Variants in MARCHF5 observed in about 807,000 individuals in gnomAD.
The protein encoded by MARCHF5 is membrane associated ring-CH-type finger 5.
A neutral mutation model predicts 36.5 loss-of-function variants in MARCHF5; 5 were observed. The observed-to-expected ratio is 0.14, with a 90% CI of 0.07 to 0.29. MARCHF5 has a LOEUF of 0.29. Among genes scored for constraint, MARCHF5 ranks in the 10% least tolerant of loss-of-function variants. The pLI, the probability that MARCHF5 is intolerant of heterozygous loss-of-function variation, is 1.00. For missense variants in MARCHF5, 179 were observed against 336.3 expected (o/e 0.53, Z 3.66); for synonymous variants, 103 against 109.9 (o/e 0.94, Z 0.39).
chr10:92,345,992 G>T (rs932431187), intron 3 of MARCHF5, among the ~76,000 whole-genome samples: 7 of 151,906 alleles, frequency 4.6e-5, no homozygotes, highest in Non-Finnish European at 8.8e-5. Context: ...GCCCAGCCAG[G>T]CCTTTATTTT....
intron 3 of MARCHF5, among the ~76,000 whole-genome samples, chr10:92,344,337 G>C (rs1289450292): frequency 6.6e-6 from 1 of 152,166 alleles, no homozygotes; most frequent in Non-Finnish European, 1.5e-5. Context: ...AATTTGATTT[G>C]AAATTATGAG....
chr10:92,292,032 C>G (rs1186543791), intron 1 of MARCHF5, among the ~76,000 whole-genome samples: 1 of 151,394 alleles, frequency 6.6e-6, no homozygotes, highest in Non-Finnish European at 1.5e-5. Context: ...TCCCCCCCGC[C>G]CCATCCCGTC....
At chr10:92,310,526 C>T (rs138760982) in intron 1 of MARCHF5, among the ~76,000 whole-genome samples, 73 of 152,064 alleles carry the variant, frequency 4.8e-4, no homozygotes, top group South Asian at 6.2e-4. Flanking sequence ...CAAGCATACA[C>T]GCCCAAATTT....
intron 2 of MARCHF5, among the ~76,000 whole-genome samples, chr10:92,339,074 A>G (rs554081194): frequency 6.6e-6 from 1 of 152,272 alleles, no homozygotes; most frequent in East Asian, 1.9e-4. Context: ...ATTAAATTAA[A>G]AAAATAAACT....
intron 1 of MARCHF5, among the ~76,000 whole-genome samples, chr10:92,295,133 C>T (rs1185277187): frequency 6.6e-6 from 1 of 152,008 alleles, no homozygotes; most frequent in Non-Finnish European, 1.5e-5. Flanking sequence ...CAGTACTATT[C>T]TAGGCCCTTG....
At chr10:92,305,657 A>C (rs1215579587) in intron 1 of MARCHF5, among the ~76,000 whole-genome samples, 1 of 152,226 alleles carries the variant, frequency 6.6e-6, no homozygotes, top group Non-Finnish European at 1.5e-5. Context: ...AGAGGATTGG[A>C]GAAAACAAGA....
At chr10:92,294,178 G>C (rs932542821) in intron 1 of MARCHF5, among the ~76,000 whole-genome samples, 1 of 152,178 alleles carries the variant, frequency 6.6e-6, no homozygotes, top group South Asian at 2.1e-4. Flanking sequence ...CATGATAAGA[G>C]ATAGTAGGGT....
chr10:92,332,902 C>T (rs560721847), intron 2 of MARCHF5, among the ~76,000 whole-genome samples: 7 of 151,926 alleles, frequency 4.6e-5, no homozygotes, highest in Admixed American at 2.6e-4. Context: ...CGGTGGCTCA[C>T]GCCTGTAATC....
chr10:92,305,709 A>G (rs549171753), intron 1 of MARCHF5, among the ~76,000 whole-genome samples: 15 of 152,364 alleles, frequency 9.8e-5, no homozygotes, highest in African/African-American at 3.4e-4. Flanking sequence ...TTGGTCAGAA[A>G]TTACAACTTC....
intron 1 of MARCHF5, among the ~76,000 whole-genome samples, chr10:92,300,891 C>A (rs1184543571): frequency 7.8e-6 from 1 of 127,736 alleles, no homozygotes; most frequent in East Asian, 2.2e-4. Flanking sequence ...CCTCCTAATT[C>A]TTTTTTTTTT....
At chr10:92,295,831 A>C (rs1214749500) in intron 1 of MARCHF5, among the ~76,000 whole-genome samples, 1 of 152,082 alleles carries the variant, frequency 6.6e-6, no homozygotes, top group Non-Finnish European at 1.5e-5. Flanking sequence ...GGTGGAAAGA[A>C]TACATATACA....
intron 2 of MARCHF5, among the ~76,000 whole-genome samples, chr10:92,320,250 T>A (rs547052259): frequency 6.6e-6 from 1 of 151,852 alleles, no homozygotes; most frequent in East Asian, 1.9e-4. Context: ...AGAGACAAGG[T>A]CGTGCTTTGT....
At chr10:92,348,730 G>T (rs1843685104) in intron 3 of MARCHF5, among the ~76,000 whole-genome samples, 1 of 152,144 alleles carries the variant, frequency 6.6e-6, no homozygotes, top group Non-Finnish European at 1.5e-5. Context: ...AAATGCCTGG[G>T]ATCTGTAACC....
chr10:92,300,328 A>C (rs1842998299), intron 1 of MARCHF5, among the ~76,000 whole-genome samples: 1 of 151,610 alleles, frequency 6.6e-6, no homozygotes, highest in African/African-American at 2.4e-5. Flanking sequence ...TAAAAAAAAA[A>C]AGAAAGAAAG....
intron 2 of MARCHF5, among the ~76,000 whole-genome samples, chr10:92,330,738 C>T (rs982692158): frequency 7.2e-5 from 11 of 152,162 alleles, no homozygotes; most frequent in African/African-American, 1.7e-4. Flanking sequence ...ATCGTTACTA[C>T]GTAACATTAA....
intron 3 of MARCHF5, among the ~76,000 whole-genome samples, chr10:92,344,529 G>A (rs922163083): frequency 6.6e-6 from 1 of 152,082 alleles, no homozygotes; most frequent in African/African-American, 2.4e-5. Flanking sequence ...ACAGTAGGTG[G>A]ATAGTGTTGT....
At chr10:92,307,175 C>CTGTATGTGTG (rs1843083883) in intron 1 of MARCHF5, among the ~76,000 whole-genome samples, 1 of 121,814 alleles carries the variant, frequency 8.2e-6, no homozygotes, top group African/African-American at 3.0e-5. Context: ...AAGAAAACAT[C>CTGTATGTGTG]TGTGTGTGTG....
At chr10:92,345,074 T>A (rs1411327989) in intron 3 of MARCHF5, among the ~76,000 whole-genome samples, 1 of 152,082 alleles carries the variant, frequency 6.6e-6, no homozygotes, top group Non-Finnish European at 1.5e-5. Context: ...AACCTTAATA[T>A]GTTTAGCCTA....
intron 2 of MARCHF5, among the ~76,000 whole-genome samples, chr10:92,330,375 CA>C: frequency 6.6e-6 from 1 of 152,106 alleles, no homozygotes. Flanking sequence ...CATAACTATA[CA>C]ATCTTTTTTT....
Sources: allele counts gnomAD v4.1 joint callset (sites outside exome capture counted in the v4.1 genomes callset), GRCh38; gene constraint gnomAD v4.1.1; transcripts MANE v1.5; gene names NCBI Gene and HGNC (gene_info 2026-07-23, HGNC 2026-07-21).